CD47: variants seen among roughly 807,000 people sequenced by gnomAD.
CD47 encodes leukocyte surface antigen CD47.
In CD47, 11 loss-of-function variants were observed where a neutral mutation model predicts 44.6. The observed-to-expected ratio is 0.25, with a 90% CI of 0.16 to 0.41. The LOEUF is 0.41. CD47 is among the 10% of genes least tolerant of loss of function. CD47 has a pLI of 1.00. For synonymous variants in CD47, 140 were observed against 136.3 expected, an observed-to-expected ratio of 1.03 and a Z score of -0.19; for missense variants, 306 against 386.7, an observed-to-expected ratio of 0.79 and a Z score of 1.75.
rs2078685869 is a variant in CD47 at position 108,044,453 on chromosome 3, A to G, written c.*2835T>C. On this transcript the variant is annotated 3_prime_UTR_variant, in exon 11 of 11. Coordinates refer to ENST00000361309, the MANE Select transcript of CD47 (RefSeq NM_001777.4). ...AAAAAAAAAAAAAAAAAAAACAAAA[A>G]AAAAAAACAGAAAGAAAGAAAACTC... 2.6e-5 allele frequency: 2 copies of G among 77,096 alleles called. No homozygotes were observed. The highest frequency in any genetic ancestry group is 9.9e-4 in the South Asian group (2 of 2,028). 4.8% of individuals were successfully genotyped at this position (77,096 alleles called of 1,614,324 possible). A position where few individuals can be genotyped will look rare whatever the true frequency, so the allele number is the denominator to read the frequency against.
intron 2 of CD47, among the ~76,000 whole-genome samples, chr3:108,072,756 C>G (rs1228245507): frequency 6.6e-6 from 1 of 152,070 alleles, no homozygotes; most frequent in Admixed American, 6.6e-5. Flanking sequence ...TATCTAATCC[C>G]CAATGGATTT....
chr3:108,079,692 A>C (rs1001535974), intron 2 of CD47, among the ~76,000 whole-genome samples: 1 of 151,768 alleles, frequency 6.6e-6, no homozygotes, highest in African/African-American at 2.4e-5. Context: ...TGAAGAGTAC[A>C]TTACCCCAGG....
chr3:108,043,784 A>G lies in CD47; in HGVS notation c.*3504T>C, dbSNP rs1184030200. The G allele has an allele frequency of 6.6e-6, 1 of 152,540 alleles. No individual in the cohort carries two copies. Among genetic ancestry groups the G allele is most frequent in the African/African-American group, 2.4e-5 (1 of 41,448 alleles). The allele number at this position is 152,540 out of a possible 1,614,324, so 9.4% of individuals were successfully genotyped here. A position where few individuals can be genotyped will look rare whatever the true frequency, so the allele number is the denominator to read the frequency against. ...TAGTACAAATGCTTTCTTTTTTTCA[A>G]AAAGAGAAATTTATGAGAAAGCTGG... is the stretch of plus-strand genomic sequence containing the variant. On this transcript the variant is annotated 3_prime_UTR_variant, in exon 11 of 11. Coordinates refer to ENST00000361309, the MANE Select transcript of CD47 (RefSeq NM_001777.4).
intron 6 of CD47, 101 bp downstream of exon 6, chr3:108,058,236 C>A: frequency 1.6e-5 from 10 of 628,604 alleles, no homozygotes; most frequent in East Asian, 6.7e-5. Flanking sequence ...AAAAAAAAAT[C>A]AAGTCTATAT....
Position 108,050,614 on chromosome 3 carries a change from T to G in CD47, c.910-12A>C. 1 of 939,586 alleles carries G rather than the reference T, an allele frequency of 1.1e-6. No individual in the cohort carries two copies. Among genetic ancestry groups the G allele is most frequent in the Non-Finnish European group, 1.6e-6 (1 of 617,150 alleles). The allele number at this position is 939,586 out of a possible 1,614,324, so 58.2% of individuals were successfully genotyped here. On this transcript the variant is annotated splice_polypyrimidine_tract_variant and intron_variant, in intron 8 of 10. Transcript: ENST00000361309. Reference sequence around the variant, plus strand: ...TCCTCTACAGCTTTCTGAAAAATATTTAAAATATATTTACATAAAAATATA... The same window carrying G: ...TCCTCTACAGCTTTCTGAAAAATATGTAAAATATATTTACATAAAAATATA...
intron 3 of CD47, among the ~76,000 whole-genome samples, chr3:108,070,370 C>A (rs2079178586): frequency 1.3e-5 from 2 of 152,154 alleles, no homozygotes; most frequent in African/African-American, 4.8e-5. Context: ...CACCTCAGAA[C>A]TTCATTAATT....
chr3:108,051,251 T>C (rs1247178338), intron 8 of CD47, among the ~76,000 whole-genome samples: 2 of 152,208 alleles, frequency 1.3e-5, no homozygotes. Flanking sequence ...CTAAGTACAA[T>C]ATAATCCTTT....
chr3:108,063,003 T>C (rs2079042943), intron 3 of CD47, among the ~76,000 whole-genome samples: 1 of 152,086 alleles, frequency 6.6e-6, no homozygotes, highest in Non-Finnish European at 1.5e-5. Flanking sequence ...ATATAAAATT[T>C]ATCCTCTTAA....
intron 7 of CD47, among the ~76,000 whole-genome samples, chr3:108,056,722 C>T (rs143082419): frequency 3.9e-5 from 6 of 151,952 alleles, no homozygotes; most frequent in Non-Finnish European, 4.4e-5. Context: ...ACATTAGTTT[C>T]AGGCACAATT....
At chr3:108,073,836 G>C (rs937134122) in intron 2 of CD47, among the ~76,000 whole-genome samples, 2 of 152,196 alleles carry the variant, frequency 1.3e-5, no homozygotes, top group Non-Finnish European at 1.5e-5. Context: ...CATTTGGAAG[G>C]GAGAAGGGTG....
chr3:108,071,933 T>G (rs1280420704), intron 2 of CD47, among the ~76,000 whole-genome samples: 2 of 152,206 alleles, frequency 1.3e-5, no homozygotes, highest in African/African-American at 4.8e-5. Flanking sequence ...AAGGACTGTT[T>G]ATATGTAAAG....
intron 1 of CD47, 131 bp downstream of exon 1, chr3:108,090,732 G>C: frequency 1.4e-6 from 1 of 712,206 alleles, no homozygotes; most frequent in Non-Finnish European, 2.0e-6. Flanking sequence ...CACTTCGGGC[G>C]CTCAGGGCCC....
chr3:108,085,258 T>C (rs975697603), intron 1 of CD47, among the ~76,000 whole-genome samples: 5 of 152,198 alleles, frequency 3.3e-5, no homozygotes, highest in African/African-American at 1.2e-4. Context: ...ACTGAGTACA[T>C]AGGGTGTATA....
chr3:108,085,227 A>C (rs924804368), intron 1 of CD47, among the ~76,000 whole-genome samples: 3 of 152,056 alleles, frequency 2.0e-5, no homozygotes, highest in Non-Finnish European at 2.9e-5. Flanking sequence ...TAGCCTCTTA[A>C]CTGTTATACA....
chr3:108,068,842 A>C (rs1425256278), intron 3 of CD47, among the ~76,000 whole-genome samples: 1 of 152,208 alleles, frequency 6.6e-6, no homozygotes, highest in African/African-American at 2.4e-5. Flanking sequence ...GGCTGGGTGA[A>C]TCATGTATAG....
chr3:108,050,913 C>A, intron 8 of CD47: 1 of 369,280 alleles, frequency 2.7e-6, no homozygotes, highest in South Asian at 2.2e-5. Flanking sequence ...GCATAAATAG[C>A]AACAACAGAA....
chr3:108,049,533 A>C, intron 10 of CD47, 86 bp downstream of exon 10: 1 of 822,634 alleles, frequency 1.2e-6, no homozygotes, highest in South Asian at 1.4e-5. Flanking sequence ...TTTACTAAAA[A>C]AGAGCCACAT....
intron 5 of CD47, among the ~76,000 whole-genome samples, chr3:108,058,708 T>C (rs1205437178): frequency 1.3e-5 from 2 of 152,228 alleles, no homozygotes; most frequent in African/African-American, 4.8e-5. Context: ...ACCACACTTG[T>C]GCATTTTACA....
intron 3 of CD47, among the ~76,000 whole-genome samples, chr3:108,067,999 A>G (rs2079133243): frequency 1.3e-5 from 2 of 152,260 alleles, no homozygotes; most frequent in Admixed American, 1.3e-4. Context: ...AAAGACTCAC[A>G]TGCAGAGCTG....
Sources: gnomAD v4.1 joint callset for allele counts (sites outside exome capture counted in the v4.1 genomes callset) on GRCh38, gnomAD v4.1.1 for gene constraint, MANE v1.5 for transcripts, NCBI Gene and HGNC (gene_info 2026-07-23, HGNC 2026-07-21) for gene names.